Variants in PCDHA2 observed in about 807,000 individuals in gnomAD.
PCDHA2 encodes protocadherin alpha-2.
In PCDHA2, 58 loss-of-function variants were observed where a neutral mutation model predicts 66.0. The observed-to-expected ratio is 0.88, with a 90% confidence interval of 0.71 to 1.09. PCDHA2 has a LOEUF of 1.09. Among genes scored for constraint, PCDHA2 ranks in the 50% least tolerant of loss-of-function variants. The pLI, the probability that PCDHA2 is intolerant of heterozygous loss-of-function variation, is 0.00. For synonymous variants in PCDHA2, 634 were observed against 554.0 expected (o/e 1.14, Z -2.03); for missense variants, 1,267 against 1,242.3 (o/e 1.02, Z -0.30).
At chr5:140,808,556 C>T (rs1379449486) in intron 1 of PCDHA2, 5 of 1,614,012 alleles carry the variant, frequency 3.1e-6, no homozygotes, top group Non-Finnish European at 4.2e-6. Flanking sequence ...GGCGTTCGCG[C>T]AGCCCGAGTA....
chr5:140,997,107 C>T (rs1346636277), intron 3 of PCDHA2, among the ~76,000 whole-genome samples: 3 of 152,094 alleles, frequency 2.0e-5, no homozygotes, highest in African/African-American at 7.2e-5. Flanking sequence ...TCATGCACTC[C>T]TGCTCTCCCA....
Position 140,800,800 on chromosome 5 carries a change from A to G in PCDHA2, c.2388+3448A>G, listed in dbSNP as rs183973155. On this transcript the variant is annotated intron_variant, in intron 1 of 3. Transcript: ENST00000526136. ...TGTCCACTGTTAAAACAGGAATCAC[A>G]ATATTTTAGTGTATGTCATGAATTA... is the stretch of plus-strand genomic sequence containing the variant. Among the ~76,000 whole-genome samples, 227 of 152,382 alleles carry G rather than the reference A, an allele frequency of 1.5e-3. 1 individual carries two copies. Among genetic ancestry groups the G allele is most frequent in the Non-Finnish European group, 2.8e-3 (192 of 68,038 alleles).
At chr5:140,944,197 T>C (rs1404957342) in intron 1 of PCDHA2, among the ~76,000 whole-genome samples, 2 of 152,120 alleles carry the variant, frequency 1.3e-5, no homozygotes, top group Non-Finnish European at 2.9e-5. Context: ...TTTTGTTTTG[T>C]TTTGTTTTTA....
Position 140,842,669 on chromosome 5 carries a change from G to A in PCDHA2, c.2388+45317G>A, listed in dbSNP as rs1554139258. 2.5e-6 allele frequency: 4 copies of A among 1,595,384 alleles called. No homozygotes were observed. The highest frequency in any genetic ancestry group is 3.4e-5 in the Admixed American group (2 of 59,244). ...GTCTGTGGAGGTGGCCGACGTGAAC[G>A]ACAATGCTCCGGCGTTCGCGCAGCC... On this transcript the variant is annotated intron_variant, in intron 1 of 3. Transcript: ENST00000526136.
intron 1 of PCDHA2, chr5:140,808,623 C>A: frequency 6.2e-7 from 1 of 1,613,692 alleles, no homozygotes; most frequent in Non-Finnish European, 8.5e-7. Context: ...ACTGTGTCTG[C>A]GTGGGACGCG....
At position 140,796,692 on chromosome 5, in the gene PCDHA2, A is replaced by G; in HGVS notation, c.1728A>G (p.Ala576=). 4 of 1,613,934 alleles carry G rather than the reference A, an allele frequency of 2.5e-6. No homozygotes were observed. Among genetic ancestry groups the G allele is most frequent in the Non-Finnish European group, 3.4e-6 (4 of 1,179,894 alleles). The change falls in exon 1 of 4, where the codon GCA becomes GCG. Residue 576 remains alanine, a synonymous_variant. Transcript: ENST00000526136. ...LAPRAGTAAG[A]VSELVPWSVG... ...CTAGGGCTGGCACCGCTGCTGGCGC[A>G]GTGAGTGAGCTGGTGCCGTGGTCGG...
chr5:140,874,970 G>T (rs186825854), intron 1 of PCDHA2, among the ~76,000 whole-genome samples: 6 of 152,162 alleles, frequency 3.9e-5, no homozygotes, highest in Non-Finnish European at 7.4e-5. Flanking sequence ...AAGGGGAGGG[G>T]TGCTGTATAT....
chr5:140,926,806 C>T, intron 1 of PCDHA2: 1 of 1,456,722 alleles, frequency 6.9e-7, no homozygotes, highest in Non-Finnish European at 9.0e-7. Flanking sequence ...CTCTTCCCCG[C>T]GGCTCGTGCT....
intron 1 of PCDHA2, chr5:140,829,800 T>A (rs2150175020): frequency 1.9e-6 from 3 of 1,613,688 alleles, no homozygotes; most frequent in East Asian, 2.2e-5. Flanking sequence ...GCGCCTCGGG[T>A]GGGTGGTACT....
intron 1 of PCDHA2, among the ~76,000 whole-genome samples, chr5:140,941,192 TTTC>T (rs1447153939): frequency 7.0e-5 from 7 of 99,658 alleles, no homozygotes; most frequent in Admixed American, 1.0e-4. Flanking sequence ...CTTCTTTTTT[TTTC>T]TTTCTTCCTT....
chr5:140,983,966 C>A (rs782428444), intron 3 of PCDHA2, among the ~76,000 whole-genome samples: 1 of 152,048 alleles, frequency 6.6e-6, no homozygotes, highest in Non-Finnish European at 1.5e-5. Flanking sequence ...CACATTTGTC[C>A]AAAAAATATA....
At chr5:140,866,412 A>C (rs1308561363) in intron 1 of PCDHA2, 1 of 152,116 alleles carries the variant, frequency 6.6e-6, no homozygotes, top group Non-Finnish European at 1.5e-5. Context: ...AAAATCTTCA[A>C]ATGTGTGTAG....
At chr5:140,979,908 TAA>T (rs782196172) in intron 2 of PCDHA2, among the ~76,000 whole-genome samples, 3 of 152,250 alleles carry the variant, frequency 2.0e-5, no homozygotes, top group Non-Finnish European at 4.4e-5. Context: ...GATCAGTTCG[TAA>T]AGAGAAAGCC....
At chr5:140,969,473 A>C (rs562575347) in intron 1 of PCDHA2, 2 of 1,478,208 alleles carry the variant, frequency 1.4e-6, no homozygotes, top group South Asian at 2.8e-5. Context: ...CCACAATTTG[A>C]TCATAATCTG....
chr5:140,816,041 C>T (rs1016495184), intron 1 of PCDHA2: 2 of 152,064 alleles, frequency 1.3e-5, no homozygotes, highest in Non-Finnish European at 2.9e-5. Context: ...TGTCCATTTC[C>T]TTCCTCATAT....
chr5:140,834,632 T>C (rs1424749324), intron 1 of PCDHA2: 7 of 1,613,948 alleles, frequency 4.3e-6, no homozygotes, highest in African/African-American at 2.7e-5. Context: ...AGAATGGCAT[T>C]TTGTTTGTGA....
intron 1 of PCDHA2, chr5:140,803,232 T>G: frequency 1.9e-6 from 3 of 1,613,820 alleles, no homozygotes; most frequent in Non-Finnish European, 2.5e-6. Flanking sequence ...ACCCAAGGCC[T>G]CGTCCCAGGC....
chr5:141,002,049 A>G (rs1288460436), intron 3 of PCDHA2, among the ~76,000 whole-genome samples: 1 of 152,228 alleles, frequency 6.6e-6, no homozygotes, highest in Non-Finnish European at 1.5e-5. Flanking sequence ...CTGGGCATCC[A>G]GAGGCAGCAG....
At chr5:140,985,459 C>A (rs1587084925) in intron 3 of PCDHA2, among the ~76,000 whole-genome samples, 1 of 152,236 alleles carries the variant, frequency 6.6e-6, no homozygotes, top group East Asian at 1.9e-4. Flanking sequence ...GGGAAATGCT[C>A]CAAAAAATTT....
Sources: allele counts gnomAD v4.1 joint callset (sites outside exome capture counted in the v4.1 genomes callset), GRCh38; gene constraint gnomAD v4.1.1; transcripts MANE v1.5; gene names NCBI Gene and HGNC (gene_info 2026-07-23, HGNC 2026-07-21).